WDR33: variants seen among roughly 807,000 people sequenced by gnomAD.
The protein encoded by WDR33 is WD repeat domain 33.
Under a neutral mutation model 164.9 loss-of-function variants are expected in WDR33, and 47 were observed. That is an observed-to-expected ratio of 0.29 (90% CI 0.23 to 0.36). The LOEUF (loss-of-function observed/expected upper bound fraction) is 0.36. Ranked by LOEUF, WDR33 falls within the 10% of genes least tolerant of loss-of-function variation. WDR33 has a pLI of 1.00. For synonymous variants in WDR33, 505 were observed against 589.0 expected, an observed-to-expected ratio of 0.86 and a Z score of 2.06; for missense variants, 1,137 against 1,754.1, an observed-to-expected ratio of 0.65 and a Z score of 6.28.
intron 1 of WDR33, among the ~76,000 whole-genome samples, chr2:127,795,163 C>T (rs1382796345): frequency 2.1e-5 from 3 of 141,590 alleles, no homozygotes; most frequent in African/African-American, 5.5e-5. Context: ...TGCAATGGTG[C>T]GATCTCGGCT....
At chr2:127,755,492 C>T (rs1017686284) in intron 7 of WDR33, among the ~76,000 whole-genome samples, 16 of 152,294 alleles carry the variant, frequency 1.1e-4, no homozygotes, top group Non-Finnish European at 2.1e-4. Flanking sequence ...ATGTCCTTGA[C>T]CACTCCAGCA....
rs947535762 is a variant in WDR33, at chr2:127,758,204, T to C, written c.724+4858A>G. Reference sequence around the variant, plus strand: ...GAATGTTAAAATGAACCTGAATACCTAGTTTCCTCTACCCACACCCTTCTC... The same window carrying C: ...GAATGTTAAAATGAACCTGAATACCCAGTTTCCTCTACCCACACCCTTCTC... On this transcript the variant is annotated intron_variant, in intron 7 of 21. Transcript: ENST00000322313. Among the ~76,000 whole-genome samples the C allele has an allele frequency of 7.2e-5, 11 of 152,174 alleles. 1 individual carries two copies. The highest frequency in any genetic ancestry group is 6.5e-4 in the Admixed American group (10 of 15,274).
At position 127,763,449 on chromosome 2, in the gene WDR33, G is replaced by A. The variant is rs1478168507; in HGVS notation, c.627-290C>T. The A allele has an allele frequency of 4.5e-5, 51 of 1,137,542 alleles. No homozygotes were observed. Among genetic ancestry groups the A allele is most frequent in the Non-Finnish European group, 5.4e-5 (50 of 923,836 alleles). 70.5% of individuals were successfully genotyped at this position (1,137,542 alleles called of 1,614,324 possible). A position where few individuals can be genotyped will look rare whatever the true frequency, so the allele number is the denominator to read the frequency against. On this transcript the variant is annotated intron_variant, in intron 6 of 21. Transcript: ENST00000322313. The surrounding 1 kb of genome is among the most constrained non-coding windows in gnomAD (Gnocchi z 4.5). ...GTTCCTTCTCTATTTTCTATGATAC[G>A]AGGAAATCACATGAAGCTGCCTTAA...
At chr2:127,727,361 A>C (rs1252016619) in intron 7 of WDR33, among the ~76,000 whole-genome samples, 1 of 152,196 alleles carries the variant, frequency 6.6e-6, no homozygotes, top group African/African-American at 2.4e-5. Flanking sequence ...AATAACAGCT[A>C]TCCTACTGCA....
At position 127,712,776 on chromosome 2, in the gene WDR33, T is replaced by G. The variant is rs1348086906; in HGVS notation, c.3308+807A>C. Among the ~76,000 whole-genome samples, 3 of 152,214 alleles carry G rather than the reference T, an allele frequency of 2.0e-5. No homozygotes were observed. The highest frequency in any genetic ancestry group is 2.9e-5 in the Non-Finnish European group (2 of 68,034). ...TTTTTGTTTTGTTTTGTTTTTCTTTTAAGAGACAGGGTCTTGCTCTGTAGC... is the reference window on the plus strand; with the variant it reads ...TTTTTGTTTTGTTTTGTTTTTCTTTGAAGAGACAGGGTCTTGCTCTGTAGC... On this transcript the variant is annotated intron_variant, in intron 18 of 21. Coordinates refer to ENST00000322313, the MANE Select transcript of WDR33 (RefSeq NM_018383.5). This position sits in a 1 kb window ranked among gnomAD's most constrained non-coding sequence, Gnocchi z 4.0.
At position 127,763,890 on chromosome 2, in the gene WDR33, C is replaced by G; in HGVS notation, c.627-731G>C. 1 of 985,682 alleles carries G rather than the reference C, an allele frequency of 1.0e-6. No individual in the cohort carries two copies. The highest frequency in any genetic ancestry group is 1.1e-4 in the East Asian group (1 of 8,828). 61.1% of individuals were successfully genotyped at this position (985,682 alleles called of 1,614,324 possible). On this transcript the variant is annotated intron_variant, in intron 6 of 21. Transcript: ENST00000322313. The surrounding 1 kb of genome is among the most constrained non-coding windows in gnomAD (Gnocchi z 4.5). ...TCCTATGAAGGACCAGCTGTGTAAA[C>G]TCAATGTATGGGCATGACACTAAGG...
At chr2:127,788,408 TG>T in intron 1 of WDR33, among the ~76,000 whole-genome samples, 1 of 115,006 alleles carries the variant, frequency 8.7e-6, no homozygotes, top group South Asian at 3.0e-4. Context: ...ACGGGGCGGC[TG>T]GCCGGGCGGA....
In WDR33 at chr2:127,765,237, T is replaced by C; in HGVS notation, c.411A>G (p.Gly137=). The change falls in exon 5 of 22, where the codon GGA becomes GGG. Residue 137 remains glycine (G), a synonymous_variant. Coordinates refer to ENST00000322313, the MANE Select transcript of WDR33 (RefSeq NM_018383.5). ...WTPEGRRLVT[G]ASSGEFTLWN... ...ACAGGGTAAACTCCCCACTAGAAGCTCCAGTGACCAAGCGTCTTCCTTCTG... is the reference window on the plus strand; with the variant it reads ...ACAGGGTAAACTCCCCACTAGAAGCCCCAGTGACCAAGCGTCTTCCTTCTG... The C allele has an allele frequency of 6.2e-7, 1 of 1,614,090 alleles. No individual in the cohort carries two copies. Among genetic ancestry groups the C allele is most frequent in the Non-Finnish European group, 8.5e-7 (1 of 1,180,006 alleles).
intron 1 of WDR33, among the ~76,000 whole-genome samples, chr2:127,788,402 G>T (rs1688691031): frequency 7.9e-6 from 1 of 125,894 alleles, no homozygotes; most frequent in South Asian, 2.6e-4. Context: ...TCCCGGACGG[G>T]GCGGCTGGCC....
chr2:127,771,386 G>A (rs1387115894), intron 1 of WDR33, among the ~76,000 whole-genome samples: 2 of 152,142 alleles, frequency 1.3e-5, no homozygotes, highest in Non-Finnish European at 2.9e-5. Flanking sequence ...CATAGAAAAA[G>A]ACACCATAGA....
chr2:127,723,074 G>A lies in WDR33; in HGVS notation c.1292-30C>T. 1 of 1,560,706 alleles carries A rather than the reference G, an allele frequency of 6.4e-7. No homozygotes were observed. Among genetic ancestry groups the A allele is most frequent in the Non-Finnish European group, 8.7e-7 (1 of 1,151,374 alleles). On this transcript the variant is annotated intron_variant, in intron 12 of 21. Coordinates refer to ENST00000322313, the MANE Select transcript of WDR33 (RefSeq NM_018383.5). This position sits in a 1 kb window ranked among gnomAD's most constrained non-coding sequence, Gnocchi z 5.9. ...AAATAGTAATACACCATTGTCAATA[G>A]AGAATTTACAAAAGTAGCGACTGAT...
intron 7 of WDR33, among the ~76,000 whole-genome samples, chr2:127,758,495 T>C (rs182638199): frequency 2.6e-5 from 4 of 151,848 alleles, no homozygotes; most frequent in South Asian, 4.2e-4. Context: ...ACTGGGAAGA[T>C]TAAATAAAGT....
At chr2:127,725,035 A>G (rs766452114) in intron 9 of WDR33, 26 bp downstream of exon 9, 1 of 1,614,122 alleles carries the variant, frequency 6.2e-7, no homozygotes, top group Admixed American at 1.7e-5. Context: ...ACAGTGGTCA[A>G]TGAGAAGCAT....
intron 18 of WDR33, among the ~76,000 whole-genome samples, chr2:127,711,378 T>C (rs1433667228): frequency 7.1e-6 from 1 of 140,934 alleles, no homozygotes; most frequent in Non-Finnish European, 1.5e-5. Flanking sequence ...TGAGCCGAGA[T>C]CATGCCACTG....
rs533451448 is a variant in WDR33, at chr2:127,796,913, C to T, written c.-24+14099G>A. Among the ~76,000 whole-genome samples the T allele has an allele frequency of 2.6e-5, 4 of 152,104 alleles. No individual in the cohort carries two copies. In the East Asian group the frequency reaches 7.7e-4, roughly 29 times the overall value. On this transcript the variant is annotated intron_variant, in intron 1 of 21. Coordinates refer to ENST00000322313, the MANE Select transcript of WDR33 (RefSeq NM_018383.5). ...TAACCGGAAAAACTGTCTGTTTCCC[C>T]AAGGTCAAACCATAATCAATCCTCA...
At chr2:127,768,031 AAAC>A (rs1687875418) in intron 4 of WDR33, among the ~76,000 whole-genome samples, 155 bp downstream of exon 4, 1 of 152,256 alleles carries the variant, frequency 6.6e-6, no homozygotes, top group Non-Finnish European at 1.5e-5. Flanking sequence ...TAAAGTAGAT[AAAC>A]AACTGGATAT....
chr2:127,770,785 T>A lies in WDR33; in HGVS notation c.197A>T (p.Tyr66Phe). The stretch of plus-strand genomic sequence containing the variant: ...CACATAAATCAGGCTTACCTCCAAA[T>A]ACTTAATTACAGATGGATTGTAGTC... ...TIDYNPSVIK[Y>F]LENRIWQRDQ... Residue 66 changes from tyrosine (Y) to phenylalanine (F), a missense_variant, in exon 2 of 22, where the codon TAT (tyrosine) becomes TTT (phenylalanine). This residue lies in a region of WDR33 where 55 missense variants were observed against 84.6 expected (regional missense o/e 0.65). Transcript: ENST00000322313. The surrounding 1 kb of genome is among the most constrained non-coding windows in gnomAD (Gnocchi z 4.9). The A allele has an allele frequency of 1.2e-6, 2 of 1,613,274 alleles. No homozygotes were observed. The highest frequency in any genetic ancestry group is 1.7e-6 in the Non-Finnish European group (2 of 1,179,524).
At chr2:127,773,277 C>T (rs1409041379) in intron 1 of WDR33, among the ~76,000 whole-genome samples, 2 of 152,116 alleles carry the variant, frequency 1.3e-5, no homozygotes, top group East Asian at 3.8e-4. Context: ...CTTAAAACTG[C>T]CTTATCTCAC....
rs1376679694 is a variant in WDR33, at chr2:127,713,935, C to T, written c.2956G>A (p.Glu986Lys). Residue 986 changes from glutamate (E) to lysine (K), a missense_variant, in exon 18 of 22, where the codon GAG (glutamate) becomes AAG (lysine). Around this residue, in one of 9 missense-constraint regions of WDR33, gnomAD observed 867 missense variants for 1,073.0 expected, o/e 0.81. Coordinates refer to ENST00000322313, the MANE Select transcript of WDR33 (RefSeq NM_018383.5). The surrounding 1 kb of genome is among the most constrained non-coding windows in gnomAD (Gnocchi z 6.2). ...EQSGGPEHGP[E>K]RGPFRGGQDC... ...TGGCCACCCCGGAAAGGCCCCCTCT[C>T]GGGCCCATGCTCAGGCCCGCCGCTC... 1.9e-6 allele frequency: 3 copies of T among 1,602,476 alleles called. No homozygotes were observed. Among genetic ancestry groups the T allele is most frequent in the East Asian group, 2.2e-5 (1 of 44,842 alleles).
Sources: allele counts gnomAD v4.1 joint callset (sites outside exome capture counted in the v4.1 genomes callset), GRCh38; gene constraint gnomAD v4.1.1; regional missense constraint gnomAD v4.1.1; non-coding constraint Gnocchi (gnomAD v3.1); transcripts MANE v1.5; gene names NCBI Gene and HGNC (gene_info 2026-07-23, HGNC 2026-07-21).